The following AQP9 variants were observed in gnomAD, a reference collection of about 807,000 sequenced individuals.
The protein encoded by AQP9 is aquaporin 9.
AQP9 carries 19 observed loss-of-function variants against 23.8 expected under a neutral mutation model. The ratio of observed to expected loss-of-function variants is 0.80; its 90% CI spans 0.56 to 1.17. The LOEUF is 1.17. AQP9 is among the 50% of genes most tolerant of loss of function. The probability of loss-of-function intolerance (pLI) is 0.00; values close to 1 mark genes in which losing one functional copy is unlikely to be tolerated. For synonymous variants in AQP9, 153 were observed against 131.5 expected, an observed-to-expected ratio of 1.16 and a Z score of -1.12; for missense variants, 413 against 362.0, an observed-to-expected ratio of 1.14 and a Z score of -1.14.
intron 1 of AQP9, chr15:58,151,454 T>C (rs1177354220): frequency 1.3e-5 from 2 of 152,142 alleles, no homozygotes; most frequent in Admixed American, 6.5e-5. Context: ...CCCAATTAAA[T>C]GATAATTCAT....
rs1212510022 is a variant in AQP9 at position 58,185,848 on chromosome 15, T to A, written c.*1713T>A. On this transcript the variant is annotated 3_prime_UTR_variant, in exon 6 of 6. Transcript: ENST00000219919. Reference sequence around the variant, plus strand: ...ACAATCTATGGACATACGGGATTTTTTTTTCTTGCTTTGAAGCTACCTGGA... The same window carrying A: ...ACAATCTATGGACATACGGGATTTTATTTTCTTGCTTTGAAGCTACCTGGA... 3.3e-5 allele frequency: 5 copies of A among 152,252 alleles called. No individual in the cohort carries two copies. The highest frequency in any genetic ancestry group is 9.6e-5 in the African/African-American group (4 of 41,470). 9.4% of individuals were successfully genotyped at this position (152,252 alleles called of 1,614,324 possible).
At chr15:58,158,833 T>A (rs1898315569) in intron 1 of AQP9, among the ~76,000 whole-genome samples, 1 of 152,174 alleles carries the variant, frequency 6.6e-6, no homozygotes, top group South Asian at 2.1e-4. Flanking sequence ...TTGCGGTAAT[T>A]CTAAGGTTCC....
At chr15:58,176,041 A>T (rs575539780) in intron 4 of AQP9, among the ~76,000 whole-genome samples, 5 of 152,230 alleles carry the variant, frequency 3.3e-5, no homozygotes, top group Non-Finnish European at 5.9e-5. Context: ...TGGCTTCAGC[A>T]AAGTACTGAA....
intron 2 of AQP9, among the ~76,000 whole-genome samples, chr15:58,169,298 C>A (rs1898572010): frequency 6.6e-6 from 1 of 152,140 alleles, no homozygotes; most frequent in Non-Finnish European, 1.5e-5. Context: ...CTGAGACTGG[C>A]TGGAAAATAG....
intron 4 of AQP9, among the ~76,000 whole-genome samples, chr15:58,177,184 A>G (rs1161957636): frequency 6.6e-6 from 1 of 152,146 alleles, no homozygotes; most frequent in Non-Finnish European, 1.5e-5. Context: ...AGATTACTAA[A>G]TTGTTTAGCT....
At chr15:58,154,717 T>C (rs1898214708) in intron 1 of AQP9, among the ~76,000 whole-genome samples, 1 of 151,962 alleles carries the variant, frequency 6.6e-6, no homozygotes, top group Non-Finnish European at 1.5e-5. Flanking sequence ...CCCAAATAAA[T>C]TAAAGACTAT....
intron 2 of AQP9, among the ~76,000 whole-genome samples, chr15:58,172,708 G>T (rs1465164665): frequency 1.3e-5 from 2 of 152,132 alleles, no homozygotes; most frequent in South Asian, 2.1e-4. Context: ...ACTTTTAAAA[G>T]ATATCGAAGT....
At chr15:58,171,302 T>C (rs1250676342) in intron 2 of AQP9, among the ~76,000 whole-genome samples, 1 of 152,086 alleles carries the variant, frequency 6.6e-6, no homozygotes, top group African/African-American at 2.4e-5. Flanking sequence ...TTGGGCAGGC[T>C]GGTCTCAAAC....
intron 1 of AQP9, among the ~76,000 whole-genome samples, chr15:58,165,513 G>A (rs1898479888): frequency 6.6e-6 from 1 of 152,106 alleles, no homozygotes; most frequent in African/African-American, 2.4e-5. Flanking sequence ...CATGGAGAGA[G>A]ATCATGTACA....
At chr15:58,176,431 T>G (rs1379358006) in intron 4 of AQP9, among the ~76,000 whole-genome samples, 2 of 152,004 alleles carry the variant, frequency 1.3e-5, no homozygotes, top group African/African-American at 2.4e-5. Context: ...GGTGGGAGGA[T>G]AGCTTGCACC....
intron 1 of AQP9, chr15:58,154,918 G>C (rs1428617130): frequency 6.6e-6 from 1 of 152,206 alleles, no homozygotes; most frequent in Non-Finnish European, 1.5e-5. Flanking sequence ...CATGACTAAT[G>C]GTATGAAAAA....
intron 4 of AQP9, among the ~76,000 whole-genome samples, chr15:58,178,142 G>A (rs1450429500): frequency 6.6e-6 from 1 of 152,048 alleles, no homozygotes; most frequent in Non-Finnish European, 1.5e-5. Flanking sequence ...TTTTATATTG[G>A]GGACTTGAAC....
At chr15:58,162,487 T>A (rs72743576) in intron 1 of AQP9, among the ~76,000 whole-genome samples, 3,699 of 152,272 alleles carry the variant, frequency 0.024, 146 homozygotes, top group East Asian at 0.17. Context: ...CTGCCTAATG[T>A]GGTAATGAGC....
chr15:58,157,597 G>C (rs142922016), intron 1 of AQP9, among the ~76,000 whole-genome samples: 1 of 152,160 alleles, frequency 6.6e-6, no homozygotes, highest in Non-Finnish European at 1.5e-5. Flanking sequence ...CTCACTTCCA[G>C]TGTTAGGCAT....
intron 1 of AQP9, among the ~76,000 whole-genome samples, chr15:58,157,214 C>A (rs1026165099): frequency 3.9e-5 from 6 of 152,146 alleles, no homozygotes; most frequent in African/African-American, 1.4e-4. Context: ...AGAAGACCTG[C>A]AGCAGGGTAC....
chr15:58,162,732 G>A (rs1205717626), intron 1 of AQP9, among the ~76,000 whole-genome samples: 2 of 152,162 alleles, frequency 1.3e-5, no homozygotes, highest in African/African-American at 4.8e-5. Flanking sequence ...CCACGGAGAA[G>A]CCATTTGTAA....
At chr15:58,148,237 C>G (rs1898084313) in intron 1 of AQP9, among the ~76,000 whole-genome samples, 1 of 152,146 alleles carries the variant, frequency 6.6e-6, no homozygotes, top group Non-Finnish European at 1.5e-5. Flanking sequence ...ACATGTGGTC[C>G]TTCCCAAATA....
At chr15:58,179,525 G>GTC (rs1898836990) in intron 5 of AQP9, among the ~76,000 whole-genome samples, 180 bp downstream of exon 5, 1 of 151,928 alleles carries the variant, frequency 6.6e-6, no homozygotes, top group South Asian at 2.1e-4. Context: ...GTGTGTGTGT[G>GTC]TGTGTGTGTG....
At chr15:58,177,594 G>C (rs1361140116) in intron 4 of AQP9, among the ~76,000 whole-genome samples, 2 of 152,182 alleles carry the variant, frequency 1.3e-5, no homozygotes, top group Admixed American at 6.5e-5. Context: ...TTCCCATCCT[G>C]ATTCTTCTGC....
Sources: allele counts gnomAD v4.1 joint callset (sites outside exome capture counted in the v4.1 genomes callset), GRCh38; gene constraint gnomAD v4.1.1; transcripts MANE v1.5; gene names NCBI Gene and HGNC (gene_info 2026-07-23, HGNC 2026-07-21).